GC: variants seen among roughly 807,000 people sequenced by gnomAD.
The protein encoded by GC is vitamin D-binding protein.
A neutral mutation model predicts 56.7 loss-of-function variants in GC; 43 were observed. The ratio of observed to expected loss-of-function variants is 0.76; its 90% CI spans 0.59 to 0.98. GC has a LOEUF of 0.98. Ranked by LOEUF, GC falls within the 50% of genes least tolerant of loss-of-function variation. The pLI is 0.00. For missense variants in GC, 529 were observed against 545.9 expected (o/e 0.97, Z 0.31); for synonymous variants, 216 against 202.7 (o/e 1.07, Z -0.56).
At chr4:71,749,852 C>A (rs1741489829) in intron 11 of GC, among the ~76,000 whole-genome samples, 1 of 152,116 alleles carries the variant, frequency 6.6e-6, no homozygotes, top group Non-Finnish European at 1.5e-5. Context: ...GTACTCTCTT[C>A]ATCTGGAATT....
chr4:71,780,369 C>A (rs1435045227), intron 1 of GC, among the ~76,000 whole-genome samples: 1 of 151,904 alleles, frequency 6.6e-6, no homozygotes, highest in Non-Finnish European at 1.5e-5. Context: ...GCAACAAAAG[C>A]CAAAATTGAC....
chr4:71,797,209 A>G (rs942128798), intron 1 of GC, among the ~76,000 whole-genome samples: 4 of 152,208 alleles, frequency 2.6e-5, no homozygotes, highest in African/African-American at 7.2e-5. Flanking sequence ...GAGAACTACT[A>G]CTGTCTTCAG....
chr4:71,772,355 A>G (rs966019497), intron 1 of GC, among the ~76,000 whole-genome samples: 2 of 152,140 alleles, frequency 1.3e-5, no homozygotes, highest in Non-Finnish European at 2.9e-5. Flanking sequence ...TGACCATTCA[A>G]TAACATGCAA....
In GC at chr4:71,768,445, A is replaced by G. The variant is rs1226751040; in HGVS notation, c.129-12T>C. On this transcript the variant is annotated splice_polypyrimidine_tract_variant and intron_variant, in intron 2 of 12. Transcript: ENST00000273951. ...ACAGGACTAGTGACCTGAGGGGAAA[A>G]TAAGACAATATATCAATTAGAACTG... is the stretch of plus-strand genomic sequence containing the variant. The G allele has an allele frequency of 6.3e-7, 1 of 1,596,036 alleles. No homozygotes were observed. The highest frequency in any genetic ancestry group is 8.5e-7 in the Non-Finnish European group (1 of 1,171,978).
At chr4:71,787,414 G>T (rs1422098475), upstream of GC, among the ~76,000 whole-genome samples, 1 of 151,818 alleles carries the variant, frequency 6.6e-6, no homozygotes, top group Non-Finnish European at 1.5e-5. Context: ...TATTTTACGT[G>T]TCTGTTGTCC....
chr4:71,800,964 T>A lies in GC; in HGVS notation c.21+2962A>T, dbSNP rs1045328373. ...TTAGATACGATACCAAAAGAATGAATATCAAATAAAATAGAAAAATGGCCT... is the reference window on the plus strand; with the variant it reads ...TTAGATACGATACCAAAAGAATGAAAATCAAATAAAATAGAAAAATGGCCT... On this transcript the variant is annotated intron_variant, in intron 1 of 13. Transcript: ENST00000504199. Among the ~76,000 whole-genome samples the A allele has an allele frequency of 2.2e-4, 33 of 151,964 alleles. 1 individual carries two copies. The highest frequency in any genetic ancestry group is 2.2e-3 in the Admixed American group (33 of 15,268).
chr4:71,794,149 A>G (rs1293611192), intron 1 of GC, among the ~76,000 whole-genome samples: 1 of 152,284 alleles, frequency 6.6e-6, no homozygotes, highest in East Asian at 1.9e-4. Context: ...AGGCTTTGGT[A>G]TCAGGATGAT....
chr4:71,768,212 G>A (rs1742218669), intron 3 of GC, 89 bp downstream of exon 3: 3 of 1,069,564 alleles, frequency 2.8e-6, no homozygotes, highest in East Asian at 5.5e-5. Context: ...TGGAGTTGCT[G>A]TCTAAAATTT....
chr4:71,774,105 T>C (rs542536240), intron 1 of GC, among the ~76,000 whole-genome samples: 54 of 152,054 alleles, frequency 3.6e-4, no homozygotes, highest in South Asian at 1.5e-3. Context: ...TGAGCTTGAG[T>C]CAATGAAAAG....
intron 1 of GC, among the ~76,000 whole-genome samples, chr4:71,772,285 A>C (rs1416605344): frequency 6.6e-6 from 1 of 152,150 alleles, no homozygotes; most frequent in African/African-American, 2.4e-5. Context: ...ATAGGAGCTA[A>C]GTTTGTTTAA....
chr4:71,763,780 TATA>T (rs777263996), intron 5 of GC, 21 bp downstream of exon 5: 4 of 1,585,330 alleles, frequency 2.5e-6, no homozygotes, highest in Non-Finnish European at 3.4e-6. Flanking sequence ...AACGTAAACA[TATA>T]ATAAGTAAAA....
rs777052549 is a variant in GC at position 71,746,224 on chromosome 4, T to C, written c.1396-19A>G. The C allele has an allele frequency of 8.6e-7, 1 of 1,157,754 alleles. No individual in the cohort carries two copies. 71.7% of individuals were successfully genotyped at this position (1,157,754 alleles called of 1,614,324 possible). On this transcript the variant is annotated intron_variant, in intron 11 of 12. Coordinates refer to ENST00000273951, the MANE Select transcript of GC (RefSeq NM_000583.4). ...CATCAATCTGATAATGAAAAAAGAA[T>C]GTTATATAACTTATGAAGTATTTCA... is the stretch of plus-strand genomic sequence containing the variant.
chr4:71,800,777 C>T (rs1400926059), intron 1 of GC, among the ~76,000 whole-genome samples: 2 of 152,190 alleles, frequency 1.3e-5, no homozygotes, highest in African/African-American at 4.8e-5. Context: ...TGCCATCCGA[C>T]TGGCATGTGA....
chr4:71,779,363 TTGGCTAGGGA>T (rs747095161), intron 1 of GC, among the ~76,000 whole-genome samples: 13 of 151,772 alleles, frequency 8.6e-5, no homozygotes, highest in Non-Finnish European at 1.3e-4. Context: ...TTGTGGTAGG[TTGGCTAGGGA>T]AGCCCCCTCT....
At chr4:71,781,520 A>G (rs959506716) in intron 1 of GC, among the ~76,000 whole-genome samples, 2 of 151,812 alleles carry the variant, frequency 1.3e-5, no homozygotes, top group Non-Finnish European at 2.9e-5. Context: ...TAAAAAATCA[A>G]TTTTTATAAA....
chr4:71,784,121 T>A, upstream of GC: 1 of 1,480,848 alleles, frequency 6.8e-7, no homozygotes, highest in Non-Finnish European at 9.0e-7. Flanking sequence ...GATTCCTGAC[T>A]ATGAATTAAT....
At chr4:71,784,243 C>T, upstream of GC, 1 of 1,224,826 alleles carries the variant, frequency 8.2e-7, no homozygotes, top group Non-Finnish European at 1.0e-6. Flanking sequence ...AATAGACACC[C>T]TGGGGATACT....
Position 71,757,798 on chromosome 4 carries a change from A to G in GC, c.831+244T>C, listed in dbSNP as rs572351847. On this transcript the variant is annotated intron_variant, in intron 7 of 12. Transcript: ENST00000273951. ...TAGCATAAGGTCTTGGAAATCAGAT[A>G]ATCTCATCTTTGCATATGGACTTTG... Among the ~76,000 whole-genome samples the G allele has an allele frequency of 2.0e-5, 3 of 152,328 alleles. No homozygotes were observed. The South Asian group carries it at 6.2e-4, about 32-fold the overall frequency.
intron 1 of GC, among the ~76,000 whole-genome samples, chr4:71,789,085 A>G (rs1379161300): frequency 6.6e-6 from 1 of 151,900 alleles, no homozygotes; most frequent in Non-Finnish European, 1.5e-5. Flanking sequence ...TGACAATTGT[A>G]GTATATTTTT....
Sources: gnomAD v4.1 joint callset for allele counts (sites outside exome capture counted in the v4.1 genomes callset) on GRCh38, gnomAD v4.1.1 for gene constraint, MANE v1.5 for transcripts, NCBI Gene and HGNC (gene_info 2026-07-23, HGNC 2026-07-21) for gene names.